Variants in ONECUT2 observed in about 807,000 individuals in gnomAD.
ONECUT2 encodes the protein one cut domain family member 2.
Under a neutral mutation model 27.9 loss-of-function variants are expected in ONECUT2, and 10 were observed. That is an observed-to-expected ratio of 0.36 (90% CI 0.22 to 0.61). ONECUT2 has a LOEUF of 0.61. Among genes scored for constraint, ONECUT2 ranks in the 20% least tolerant of loss-of-function variants. ONECUT2 has a pLI of 0.73. For missense variants in ONECUT2, 686 were observed against 721.0 expected, an observed-to-expected ratio of 0.95 and a Z score of 0.56; for synonymous variants, 334 against 315.1, an observed-to-expected ratio of 1.06 and a Z score of -0.64.
intron 1 of ONECUT2, among the ~76,000 whole-genome samples, chr18:57,471,679 A>G (rs2122147071): frequency 6.6e-6 from 1 of 152,338 alleles, no homozygotes; most frequent in Middle Eastern, 3.4e-3. Flanking sequence ...TTATACACAG[A>G]TGTGTACATG....
intron 1 of ONECUT2, among the ~76,000 whole-genome samples, chr18:57,448,373 A>G (rs1184864421): frequency 6.6e-6 from 1 of 152,194 alleles, no homozygotes; most frequent in Non-Finnish European, 1.5e-5. Context: ...CCCTTTGTGT[A>G]AAAGGAGGGA....
rs190830609 is a variant in ONECUT2, at chr18:57,483,262, G to A, written c.*6539G>A. Reference sequence around the variant, plus strand: ...TGGGGAGACTGCGTTAGCTAGTGGGGAGTGGTGATTTTTTTCATGCTTGTC... The same window carrying A: ...TGGGGAGACTGCGTTAGCTAGTGGGAAGTGGTGATTTTTTTCATGCTTGTC... On this transcript the variant is annotated 3_prime_UTR_variant, in exon 2 of 2. Transcript: ENST00000491143. The A allele has an allele frequency of 2.0e-5, 3 of 152,742 alleles. No individual in the cohort carries two copies. The highest frequency in any genetic ancestry group is 2.0e-4 in the Admixed American group (3 of 15,296). 9.5% of individuals were successfully genotyped at this position (152,742 alleles called of 1,614,324 possible). A position where few individuals can be genotyped will look rare whatever the true frequency, so the allele number is the denominator to read the frequency against.
At position 57,467,365 on chromosome 18, in the gene ONECUT2, T is replaced by A. The variant is rs2050327894; in HGVS notation, c.1229-9072T>A. ...CTTTGGTTTTTTTTTTGTTTGTTTG[T>A]TTGTTTGTTTTTTTTCCTAAGACAG... On this transcript the variant is annotated intron_variant, in intron 1 of 1. Coordinates refer to ENST00000491143, the MANE Select transcript of ONECUT2 (RefSeq NM_004852.3). The A allele has an allele frequency of 1.9e-5, 6 of 317,942 alleles. No individual in the cohort carries two copies. The East Asian group carries it at 5.3e-4, about 28-fold the overall frequency. 19.7% of individuals were successfully genotyped at this position (317,942 alleles called of 1,614,324 possible).
At chr18:57,455,064 A>G (rs920962655) in intron 1 of ONECUT2, among the ~76,000 whole-genome samples, 1 of 152,298 alleles carries the variant, frequency 6.6e-6, no homozygotes, top group African/African-American at 2.4e-5. Flanking sequence ...ATTTTTATAG[A>G]CACCCCGGTG....
At chr18:57,450,438 T>C (rs1391708018) in intron 1 of ONECUT2, among the ~76,000 whole-genome samples, 1 of 152,226 alleles carries the variant, frequency 6.6e-6, no homozygotes, top group African/African-American at 2.4e-5. Flanking sequence ...CTTCCTAAAG[T>C]ATTGGGATTA....
chr18:57,475,987 A>G (rs2050379800), intron 1 of ONECUT2, among the ~76,000 whole-genome samples: 1 of 152,102 alleles, frequency 6.6e-6, no homozygotes, highest in Non-Finnish European at 1.5e-5. Flanking sequence ...AAAACTATGC[A>G]CTTTTAAGTT....
chr18:57,460,173 C>T (rs1029099352), intron 1 of ONECUT2, among the ~76,000 whole-genome samples: 1 of 148,416 alleles, frequency 6.7e-6, no homozygotes, highest in Non-Finnish European at 1.5e-5. Flanking sequence ...GCAATCCCCC[C>T]ACCTCAGCCT....
intron 1 of ONECUT2, among the ~76,000 whole-genome samples, chr18:57,471,811 C>T (rs895807708): frequency 9.2e-5 from 14 of 152,138 alleles, no homozygotes; most frequent in African/African-American, 3.1e-4. Context: ...GACTTCTCTT[C>T]GAGTCTTTGA....
At chr18:57,444,494 C>A (rs2050191482) in intron 1 of ONECUT2, 1 of 454,324 alleles carries the variant, frequency 2.2e-6, no homozygotes, top group African/African-American at 2.0e-5. Context: ...CCACTCCACC[C>A]CAGTGCCCTT....
chr18:57,445,738 T>C (rs772009583), intron 1 of ONECUT2, among the ~76,000 whole-genome samples: 5 of 152,228 alleles, frequency 3.3e-5, no homozygotes, highest in Non-Finnish European at 7.3e-5. Flanking sequence ...AATATCACAC[T>C]CAGCAAACAC....
chr18:57,462,032 GC>G (rs2050294779), intron 1 of ONECUT2, among the ~76,000 whole-genome samples: 1 of 152,194 alleles, frequency 6.6e-6, no homozygotes, highest in African/African-American at 2.4e-5. Context: ...GTCCCAGTTT[GC>G]CCTCCCACCA....
In ONECUT2 at chr18:57,479,810, C is replaced by T. The variant is rs367936985; in HGVS notation, c.*3087C>T. On this transcript the variant is annotated 3_prime_UTR_variant, in exon 2 of 2. Transcript: ENST00000491143. ...TATGAGGCCAGCCCAGAAATCTGTT[C>T]TCCAGGAGCTGCCCTGTCCCATCTG... 3 of 152,188 alleles carry T rather than the reference C, an allele frequency of 2.0e-5. No homozygotes were observed. The highest frequency in any genetic ancestry group is 3.9e-4 in the East Asian group (2 of 5,178). 9.4% of individuals were successfully genotyped at this position (152,188 alleles called of 1,614,324 possible).
chr18:57,437,704 G>A (rs891829954), intron 1 of ONECUT2, among the ~76,000 whole-genome samples: 2 of 151,890 alleles, frequency 1.3e-5, no homozygotes, highest in African/African-American at 4.9e-5. Flanking sequence ...TTGGGAGGAC[G>A]TGGGAGAAGA....
chr18:57,456,381 C>T (rs2050259692), intron 1 of ONECUT2, among the ~76,000 whole-genome samples: 1 of 152,156 alleles, frequency 6.6e-6, no homozygotes, highest in South Asian at 2.1e-4. Flanking sequence ...ATGGAGTTTT[C>T]ATACAGTGGA....
At chr18:57,443,523 C>T (rs1483452420) in intron 1 of ONECUT2, among the ~76,000 whole-genome samples, 1 of 152,196 alleles carries the variant, frequency 6.6e-6, no homozygotes, top group Non-Finnish European at 1.5e-5. Context: ...GCCCTATCAC[C>T]CCCTCTTATC....
chr18:57,436,928 C>T lies in ONECUT2; in HGVS notation c.1212C>T (p.Ser404=). The T allele has an allele frequency of 6.2e-7, 1 of 1,603,922 alleles. No individual in the cohort carries two copies. Among genetic ancestry groups the T allele is most frequent in the Non-Finnish European group, 8.5e-7 (1 of 1,175,574 alleles). The change falls in exon 1 of 2, where the codon TCC becomes TCT. Residue 404 remains serine, a synonymous_variant. Coordinates refer to ENST00000491143, the MANE Select transcript of ONECUT2 (RefSeq NM_004852.3). This position sits in a 1 kb window ranked among gnomAD's most constrained non-coding sequence, Gnocchi z 5.9. ...WLQEPEFQRM[S]ALRLAACKRK... is the part of the protein sequence containing the mutation. ...AGGAGCCCGAGTTCCAGCGCATGTCCGCCTTACGCCTGGCAGGTAAGGCCG... is the reference window on the plus strand; with the variant it reads ...AGGAGCCCGAGTTCCAGCGCATGTCTGCCTTACGCCTGGCAGGTAAGGCCG...
Position 57,482,925 on chromosome 18 carries a change from G to T in ONECUT2, c.*6202G>T, listed in dbSNP as rs1164554835. ...GTGCAGGGAAAACAAAAGTATCCCA[G>T]CATCTTCATCCTGTACACTTGGAAT... On this transcript the variant is annotated 3_prime_UTR_variant, in exon 2 of 2. Transcript: ENST00000491143. 6.6e-6 allele frequency: 1 copy of T among 152,512 alleles called. No individual in the cohort carries two copies. Among genetic ancestry groups the T allele is most frequent in the Non-Finnish European group, 1.5e-5 (1 of 68,024 alleles). 9.4% of individuals were successfully genotyped at this position (152,512 alleles called of 1,614,324 possible).
chr18:57,441,575 C>A (rs986836526), intron 1 of ONECUT2, among the ~76,000 whole-genome samples: 2 of 152,278 alleles, frequency 1.3e-5, no homozygotes, highest in African/African-American at 2.4e-5. Context: ...TCCGGCGATC[C>A]GCCTGGGCGG....
Position 57,435,607 on chromosome 18 carries a change from C to G in ONECUT2, c.-110C>G. ...ACACCCGCACGCGCACTCCTCTCCA[C>G]TCACTCCCGCGCCCGCCCCCACTCC... On this transcript the variant is annotated 5_prime_UTR_variant, in exon 1 of 2. Transcript: ENST00000491143. 2 of 947,408 alleles carry G rather than the reference C, an allele frequency of 2.1e-6. No homozygotes were observed. Among genetic ancestry groups the G allele is most frequent in the Non-Finnish European group, 2.5e-6 (2 of 795,572 alleles). 58.7% of individuals were successfully genotyped at this position (947,408 alleles called of 1,614,324 possible).
Sources: gnomAD v4.1 joint callset for allele counts (sites outside exome capture counted in the v4.1 genomes callset) on GRCh38, gnomAD v4.1.1 for gene constraint, Gnocchi (gnomAD v3.1) non-coding constraint, MANE v1.5 for transcripts, NCBI Gene and HGNC (gene_info 2026-07-23, HGNC 2026-07-21) for gene names.